The following SRGAP2 variants were observed in gnomAD, a reference collection of about 807,000 sequenced individuals.
The protein encoded by SRGAP2 is SLIT-ROBO Rho GTPase activating protein 2, also known as SLIT-ROBO Rho GTPase-activating protein 2.
Under a neutral mutation model 57.2 loss-of-function variants are expected in SRGAP2, and 15 were observed. The ratio of observed to expected loss-of-function variants is 0.26; its 90% CI spans 0.18 to 0.40. SRGAP2 has a LOEUF of 0.40. SRGAP2 is among the 10% of genes least tolerant of loss of function. The pLI, the probability that SRGAP2 is intolerant of heterozygous loss-of-function variation, is 1.00. For missense variants in SRGAP2, 520 were observed against 669.6 expected, an observed-to-expected ratio of 0.78 and a Z score of 2.47; for synonymous variants, 249 against 248.0, an observed-to-expected ratio of 1.00 and a Z score of -0.04.
chr1:206,419,447 G>A (rs1553363524), intron 12 of SRGAP2, 47 bp downstream of exon 12: 1 of 780,370 alleles, frequency 1.3e-6, no homozygotes, highest in South Asian at 1.3e-5. Flanking sequence ...AGGCTTGGTG[G>A]GTAGAGCAAT....
Position 206,461,900 on chromosome 1 carries a change from TACACAC to T in SRGAP2, c.*504_*509del, listed in dbSNP as rs3833477. 0.37 allele frequency: 56,191 copies of T among 151,530 alleles called. 11,084 individuals carry two copies. Among genetic ancestry groups the T allele is most frequent in the Middle Eastern group, 0.52 (152 of 292 alleles). 9.4% of individuals were successfully genotyped at this position (151,530 alleles called of 1,614,324 possible). ...ACATATTTTACACACACACACATTT[TACACAC>T]ACACACACACACACACACACACATA... On this transcript the variant is annotated 3_prime_UTR_variant, in exon 23 of 23. Coordinates refer to ENST00000573034, the MANE Select transcript of SRGAP2 (RefSeq NM_015326.5).
At chr1:206,369,800 C>G (rs1197191777) in intron 4 of SRGAP2, among the ~76,000 whole-genome samples, 2 of 152,172 alleles carry the variant, frequency 1.3e-5, no homozygotes, top group African/African-American at 4.8e-5. Context: ...TCATACATTG[C>G]TGGTAAGATT....
intron 4 of SRGAP2, among the ~76,000 whole-genome samples, chr1:206,356,540 A>T (rs542064457): frequency 4.9e-4 from 75 of 152,358 alleles, no homozygotes; most frequent in African/African-American, 1.8e-3. Flanking sequence ...CTGTCAGGTC[A>T]GAATTTCCAT....
intron 3 of SRGAP2, among the ~76,000 whole-genome samples, chr1:206,326,189 AG>A (rs202113545): frequency 0.026 from 3,721 of 145,142 alleles, 47 homozygotes; most frequent in Middle Eastern, 0.031. Context: ...AAGGCAGAGA[AG>A]GGGTTAACTG....
intron 2 of SRGAP2, among the ~76,000 whole-genome samples, chr1:206,231,664 G>A (rs1361999484): frequency 7.5e-5 from 11 of 147,540 alleles, no homozygotes; most frequent in Non-Finnish European, 1.0e-4. Context: ...CAGCCACCCC[G>A]GTAGCTGGGA....
At chr1:206,417,261 G>A (rs1458912271) in intron 11 of SRGAP2, among the ~76,000 whole-genome samples, 8 of 151,708 alleles carry the variant, frequency 5.3e-5, no homozygotes, top group East Asian at 1.9e-4. Context: ...GTGCCACCAC[G>A]CCTGGGTAAG....
intron 5 of SRGAP2, among the ~76,000 whole-genome samples, chr1:206,389,604 A>T (rs1413670258): frequency 6.6e-6 from 1 of 151,890 alleles, no homozygotes; most frequent in Non-Finnish European, 1.5e-5. Context: ...TTGGTTTAGG[A>T]CTCAAGTAGA....
At chr1:206,314,079 T>C (rs1286893646) in intron 3 of SRGAP2, among the ~76,000 whole-genome samples, 1 of 148,676 alleles carries the variant, frequency 6.7e-6, no homozygotes, top group African/African-American at 2.5e-5. Context: ...TTAAAAGAAA[T>C]AGAGAGGGGC....
chr1:206,439,737 C>T (rs2103330385), intron 16 of SRGAP2, among the ~76,000 whole-genome samples: 1 of 152,208 alleles, frequency 6.6e-6, no homozygotes, highest in South Asian at 2.1e-4. Flanking sequence ...TCCCTGTGCC[C>T]AAGAAGTATA....
chr1:206,230,719 C>T (rs1391077060), intron 2 of SRGAP2, among the ~76,000 whole-genome samples: 2 of 140,850 alleles, frequency 1.4e-5, no homozygotes, highest in Admixed American at 6.9e-5. Context: ...CTCCACCTCC[C>T]GGGTTCAAGC....
chr1:206,324,358 T>G (rs1169616437), intron 3 of SRGAP2, among the ~76,000 whole-genome samples: 2 of 152,216 alleles, frequency 1.3e-5, no homozygotes, highest in African/African-American at 4.8e-5. Context: ...GGGACTGTGT[T>G]GATAATCAAG....
chr1:206,449,538 A>G (rs1553375120), intron 18 of SRGAP2, among the ~76,000 whole-genome samples: 1 of 151,272 alleles, frequency 6.6e-6, no homozygotes, highest in African/African-American at 2.4e-5. Context: ...GATCCTCCCA[A>G]AGTGCTGGGA....
chr1:206,437,161 AG>A (rs1465969094), intron 15 of SRGAP2, 119 bp downstream of exon 15: 1 of 723,086 alleles, frequency 1.4e-6, no homozygotes, highest in African/African-American at 1.7e-5. Flanking sequence ...CTGTCTCTTC[AG>A]GGGGTACCTG....
At chr1:206,401,800 TAGTG>T (rs1553355856) in intron 8 of SRGAP2, among the ~76,000 whole-genome samples, 155 bp downstream of exon 8, 1 of 152,072 alleles carries the variant, frequency 6.6e-6, no homozygotes, top group African/African-American at 2.4e-5. Flanking sequence ...AGCAAACAGT[TAGTG>T]AGTGCCTGCT....
At chr1:206,378,490 A>C (rs1340105067) in intron 4 of SRGAP2, among the ~76,000 whole-genome samples, 42 of 152,180 alleles carry the variant, frequency 2.8e-4, no homozygotes, top group Admixed American at 7.9e-4. Context: ...TTGTATCTAA[A>C]AAGAAAGAAA....
At chr1:206,447,824 C>T (rs1231283353) in intron 18 of SRGAP2, among the ~76,000 whole-genome samples, 1 of 152,224 alleles carries the variant, frequency 6.6e-6, no homozygotes, top group Non-Finnish European at 1.5e-5. Context: ...GCCCCTGAGT[C>T]CCAGCCCAGT....
intron 3 of SRGAP2, among the ~76,000 whole-genome samples, chr1:206,307,919 C>T (rs1325820562): frequency 6.6e-6 from 1 of 152,192 alleles, no homozygotes; most frequent in Non-Finnish European, 1.5e-5. Context: ...GGGGGGGGTG[C>T]TGAAGGGCTC....
chr1:206,203,822 C>A, intron 1 of SRGAP2, 172 bp downstream of exon 1: 4 of 1,528,322 alleles, frequency 2.6e-6, no homozygotes, highest in Non-Finnish European at 3.5e-6. Flanking sequence ...CTCTCCAAAT[C>A]TCCCAGTACA....
chr1:206,449,748 TCA>T (rs1553375193), intron 18 of SRGAP2, among the ~76,000 whole-genome samples: 2 of 152,092 alleles, frequency 1.3e-5, no homozygotes, highest in Non-Finnish European at 2.9e-5. Context: ...TTTCACCAGT[TCA>T]CAGTCTGAAC....
Sources: gnomAD v4.1 joint callset for allele counts (sites outside exome capture counted in the v4.1 genomes callset) on GRCh38, gnomAD v4.1.1 for gene constraint, MANE v1.5 for transcripts, NCBI Gene and HGNC (gene_info 2026-07-23, HGNC 2026-07-21) for gene names.